TBC1D9: variants seen among roughly 807,000 people sequenced by gnomAD.
TBC1D9 encodes TBC1 domain family member 9A.
In TBC1D9, 63 loss-of-function variants were observed where a neutral mutation model predicts 132.0. The ratio of observed to expected loss-of-function variants is 0.48; its 90% CI spans 0.39 to 0.59. The LOEUF (loss-of-function observed/expected upper bound fraction) is 0.59, where lower values mean the gene tolerates loss of function less well. Among genes scored for constraint, TBC1D9 ranks in the 20% least tolerant of loss-of-function variants. The pLI is 0.00. For synonymous variants in TBC1D9, 610 were observed against 609.9 expected, an observed-to-expected ratio of 1.00 and a Z score of 0.00; for missense variants, 1,261 against 1,592.7, an observed-to-expected ratio of 0.79 and a Z score of 3.54.
chr4:140,739,307 A>T (rs1042605118), intron 1 of TBC1D9, among the ~76,000 whole-genome samples: 1 of 152,160 alleles, frequency 6.6e-6, no homozygotes, highest in Admixed American at 6.6e-5. Flanking sequence ...TTAAGACTGG[A>T]ACTCACTTTG....
At chr4:140,740,068 G>C (rs1415114411) in intron 1 of TBC1D9, among the ~76,000 whole-genome samples, 1 of 152,168 alleles carries the variant, frequency 6.6e-6, no homozygotes, top group East Asian at 1.9e-4. Context: ...ATCACCTCAT[G>C]GAACTTCATC....
At position 140,634,183 on chromosome 4, in the gene TBC1D9, T is replaced by G; in HGVS notation, c.2511A>C (p.Glu837Asp). The change falls in exon 16 of 21, where the codon GAA becomes GAC. Residue 837 changes from glutamate to aspartate, a missense_variant. By Grantham distance (45) the Glu-to-Asp change is conservative (BLOSUM62 2). Coordinates refer to ENST00000442267, the MANE Select transcript of TBC1D9 (RefSeq NM_015130.3). ...CGCCCCAGTAGCAGCTGGTGAGATG[T>G]TCTGCCTGAAAAAGAATGGATGATC... ...LEELYALFKA[E>D]HLTSCYWGGS... The G allele has an allele frequency of 6.2e-7, 1 of 1,612,494 alleles. No homozygotes were observed. Among genetic ancestry groups the G allele is most frequent in the Non-Finnish European group, 8.5e-7 (1 of 1,179,766 alleles).
At chr4:140,705,411 G>A (rs984828960) in intron 1 of TBC1D9, among the ~76,000 whole-genome samples, 1 of 152,110 alleles carries the variant, frequency 6.6e-6, no homozygotes, top group Non-Finnish European at 1.5e-5. Flanking sequence ...CTTGAGGGCA[G>A]GGTCTAATTG....
chr4:140,629,021 A>G (rs6831782), intron 16 of TBC1D9, among the ~76,000 whole-genome samples: 62,862 of 152,040 alleles, frequency 0.41, 13,993 homozygotes, highest in South Asian at 0.52. Context: ...GCACCTAAAG[A>G]TAAATGAGAT....
chr4:140,663,626 T>C (rs1338455618), intron 9 of TBC1D9, among the ~76,000 whole-genome samples: 3 of 152,144 alleles, frequency 2.0e-5, no homozygotes, highest in East Asian at 1.9e-4. Context: ...AGCCAAGATA[T>C]AGAAACAATC....
intron 1 of TBC1D9, among the ~76,000 whole-genome samples, chr4:140,720,296 G>T (rs1422111848): frequency 1.3e-5 from 2 of 152,140 alleles, no homozygotes; most frequent in African/African-American, 4.8e-5. Flanking sequence ...AAGTTTCTGG[G>T]CTCAGGAGTC....
chr4:140,648,379 G>GT (rs1737134864), intron 13 of TBC1D9, among the ~76,000 whole-genome samples: 1 of 137,672 alleles, frequency 7.3e-6, no homozygotes, highest in African/African-American at 2.7e-5. Flanking sequence ...AGGCAGTTTT[G>GT]TTGTTGTTTT....
At chr4:140,707,180 T>C (rs964735809) in intron 1 of TBC1D9, among the ~76,000 whole-genome samples, 2 of 152,198 alleles carry the variant, frequency 1.3e-5, no homozygotes, top group African/African-American at 4.8e-5. Context: ...TACCTGTTTG[T>C]TAGTTAAATT....
At chr4:140,709,779 G>GGC (rs2111046976) in intron 1 of TBC1D9, among the ~76,000 whole-genome samples, 1 of 152,304 alleles carries the variant, frequency 6.6e-6, no homozygotes, top group Non-Finnish European at 1.5e-5. Context: ...CAGATCATCA[G>GGC]GCATTAGATT....
At chr4:140,661,823 C>T in intron 10 of TBC1D9, 70 bp downstream of exon 10, 3 of 1,322,650 alleles carry the variant, frequency 2.3e-6, no homozygotes, top group South Asian at 1.3e-5. Context: ...ACCTTCCTTC[C>T]CACTATTTGC....
rs1737518592 is a variant in TBC1D9, at chr4:140,670,518, T to C, written c.1266+202A>G. On this transcript the variant is annotated intron_variant, in intron 7 of 20. Transcript: ENST00000442267. ...TTCTTCAACTATAAAATAAAAGTGT[T>C]ATTCCAGGTGATCTATAAGGTTCCT... is the stretch of plus-strand genomic sequence containing the variant. The C allele has an allele frequency of 2.1e-5, 12 of 565,250 alleles. No homozygotes were observed. In the South Asian group the frequency reaches 2.7e-4, roughly 13 times the overall value. The allele number at this position is 565,250 out of a possible 1,614,324, so 35.0% of individuals were successfully genotyped here. A position where few individuals can be genotyped will look rare whatever the true frequency, so the allele number is the denominator to read the frequency against.
chr4:140,722,674 T>C (rs1204880406), intron 1 of TBC1D9, among the ~76,000 whole-genome samples: 3 of 152,194 alleles, frequency 2.0e-5, no homozygotes, highest in Non-Finnish European at 4.4e-5. Flanking sequence ...TTGTAAACTA[T>C]CTTTTTACTC....
At chr4:140,660,119 A>T (rs1737334687) in intron 10 of TBC1D9, among the ~76,000 whole-genome samples, 1 of 152,212 alleles carries the variant, frequency 6.6e-6, no homozygotes, top group Admixed American at 6.5e-5. Context: ...ACTTTCCGTA[A>T]TGGTTTCTAT....
intron 1 of TBC1D9, among the ~76,000 whole-genome samples, chr4:140,754,117 G>C (rs1032341792): frequency 2.0e-5 from 3 of 152,184 alleles, no homozygotes; most frequent in Non-Finnish European, 2.9e-5. Flanking sequence ...GTCAGTTATA[G>C]CTCTAAGAAC....
chr4:140,749,078 A>T (rs1738882781), intron 1 of TBC1D9, among the ~76,000 whole-genome samples: 2 of 152,150 alleles, frequency 1.3e-5, no homozygotes, highest in Admixed American at 1.3e-4. Flanking sequence ...AAAAATAAAA[A>T]ATAATGGCCA....
At chr4:140,734,340 G>C (rs548462834) in intron 1 of TBC1D9, among the ~76,000 whole-genome samples, 1 of 152,210 alleles carries the variant, frequency 6.6e-6, no homozygotes, top group African/African-American at 2.4e-5. Flanking sequence ...ATGTATCCCA[G>C]GCTGGTCTTG....
Position 140,643,755 on chromosome 4 carries a change from C to T in TBC1D9, c.2338-4327G>A, listed in dbSNP as rs903095193. ...CGGGGAATCCACGCATGCTTCAGGC[C>T]CCTCCGCAAAGTCTGGGCACTCAGA... On this transcript the variant is annotated intron_variant, in intron 13 of 20. Transcript: ENST00000442267. 4.5e-6 allele frequency: 5 copies of T among 1,105,980 alleles called. No individual in the cohort carries two copies. The Admixed American group carries it at 6.4e-5, about 14-fold the overall frequency. 68.5% of individuals were successfully genotyped at this position (1,105,980 alleles called of 1,614,324 possible).
At chr4:140,636,234 A>G (rs1313723777) in intron 15 of TBC1D9, among the ~76,000 whole-genome samples, 2 of 152,198 alleles carry the variant, frequency 1.3e-5, no homozygotes, top group Non-Finnish European at 2.9e-5. Flanking sequence ...AACCAGGGCA[A>G]AGGGCCCCTG....
chr4:140,725,203 T>C (rs188050001), intron 1 of TBC1D9, among the ~76,000 whole-genome samples: 9 of 152,178 alleles, frequency 5.9e-5, no homozygotes, highest in South Asian at 2.1e-4. Flanking sequence ...TGCCATATAA[T>C]GGAATGTGCA....
Sources: gnomAD v4.1 joint callset for allele counts (sites outside exome capture counted in the v4.1 genomes callset) on GRCh38, gnomAD v4.1.1 for gene constraint, MANE v1.5 for transcripts, NCBI Gene and HGNC (gene_info 2026-07-23, HGNC 2026-07-21) for gene names.